The following RBM20 variants were observed in gnomAD, a reference collection of about 807,000 sequenced individuals.
The protein encoded by RBM20 is RNA binding motif protein 20, also known as RNA-binding protein 20.
A neutral mutation model predicts 110.1 loss-of-function variants in RBM20; 51 were observed. That is an observed-to-expected ratio of 0.46 (90% CI 0.37 to 0.59). The LOEUF is 0.59. Ranked by LOEUF, RBM20 falls within the 20% of genes least tolerant of loss-of-function variation. The pLI, the probability that RBM20 is intolerant of heterozygous loss-of-function variation, is 0.00. For missense variants in RBM20, 1,512 were observed against 1,574.9 expected (o/e 0.96, Z 0.68); for synonymous variants, 589 against 618.2 (o/e 0.95, Z 0.70).
chr10:110,676,697 A>G (rs1293268908), intron 1 of RBM20, among the ~76,000 whole-genome samples: 1 of 152,168 alleles, frequency 6.6e-6, no homozygotes, highest in African/African-American at 2.4e-5. Context: ...TACTTTTCTG[A>G]TTTGCAGTCT....
chr10:110,681,463 T>G (rs2134859870), intron 1 of RBM20, among the ~76,000 whole-genome samples: 1 of 152,350 alleles, frequency 6.6e-6, no homozygotes, highest in Admixed American at 6.5e-5. Context: ...GCATGCTCTC[T>G]GCTAATCTTT....
At chr10:110,742,342 A>T (rs1466136496) in intron 1 of RBM20, among the ~76,000 whole-genome samples, 9 of 152,188 alleles carry the variant, frequency 5.9e-5, no homozygotes, top group Non-Finnish European at 8.8e-5. Flanking sequence ...CCCAGGCTGG[A>T]GGCCTTTTCC....
chr10:110,678,098 A>G (rs1046933075), intron 1 of RBM20, among the ~76,000 whole-genome samples: 3 of 152,220 alleles, frequency 2.0e-5, no homozygotes, highest in African/African-American at 4.8e-5. Context: ...GGTAACTATA[A>G]AACATAAACT....
At chr10:110,810,848 T>C (rs1844759062) in intron 8 of RBM20, among the ~76,000 whole-genome samples, 2 of 150,322 alleles carry the variant, frequency 1.3e-5, no homozygotes, top group Admixed American at 1.3e-4. Flanking sequence ...TGTGTGTGCG[T>C]GTGTGTGTGT....
chr10:110,676,373 ATAAAGT>A (rs1441750431), intron 1 of RBM20, among the ~76,000 whole-genome samples: 4 of 152,234 alleles, frequency 2.6e-5, no homozygotes, highest in African/African-American at 9.6e-5. Context: ...TTTATTGCCT[ATAAAGT>A]TAAACAATGC....
In RBM20 at chr10:110,812,455, A is replaced by G. The variant is rs1844781882; in HGVS notation, c.2058A>G (p.Glu686=). 1 of 1,551,684 alleles carries G rather than the reference A, an allele frequency of 6.4e-7. No individual in the cohort carries two copies. The highest frequency in any genetic ancestry group is 2.4e-5 in the East Asian group (1 of 40,912). The part of the protein sequence containing the change: ...WEHSPYARRE[E]ERDPAPWRDN... Reference sequence around the variant, plus strand: ...ACTCTCCCTATGCCAGGAGGGAGGAAGAGCGAGACCCGGCTCCCTGGAGGG... The same window carrying G: ...ACTCTCCCTATGCCAGGAGGGAGGAGGAGCGAGACCCGGCTCCCTGGAGGG... The change falls in exon 9 of 14, where the codon GAA becomes GAG. Residue 686 remains glutamate (E), a synonymous_variant. Coordinates refer to ENST00000369519, the MANE Select transcript of RBM20 (RefSeq NM_001134363.3).
intron 1 of RBM20, among the ~76,000 whole-genome samples, chr10:110,749,533 G>A (rs1843826854): frequency 6.6e-6 from 1 of 152,146 alleles, no homozygotes; most frequent in African/African-American, 2.4e-5. Context: ...GTGTAAAAGT[G>A]TCTCATTGAA....
chr10:110,822,892 G>A (rs542605317), intron 11 of RBM20, among the ~76,000 whole-genome samples: 32 of 152,196 alleles, frequency 2.1e-4, no homozygotes, highest in African/African-American at 7.2e-4. Flanking sequence ...TAGAGAAACC[G>A]TGAGGCCCAG....
intron 1 of RBM20, among the ~76,000 whole-genome samples, chr10:110,752,500 T>C (rs908051919): frequency 2.0e-5 from 3 of 152,266 alleles, no homozygotes; most frequent in Non-Finnish European, 2.9e-5. Context: ...AAAGCTGCTA[T>C]AAACATCTGT....
At chr10:110,651,253 A>G (rs530879081) in intron 1 of RBM20, among the ~76,000 whole-genome samples, 43 of 152,356 alleles carry the variant, frequency 2.8e-4, no homozygotes, top group African/African-American at 1.0e-3. Flanking sequence ...CCATGGACAC[A>G]GGTACATATT....
chr10:110,660,434 C>T lies in RBM20; in HGVS notation c.191+15789C>T, dbSNP rs142312680. Among the ~76,000 whole-genome samples, 73 of 152,256 alleles carry T rather than the reference C, an allele frequency of 4.8e-4. 1 individual carries two copies. The highest frequency in any genetic ancestry group is 4.6e-3 in the East Asian group (24 of 5,172). On this transcript the variant is annotated intron_variant, in intron 1 of 13. Transcript: ENST00000369519. ...GGATCCCCAACCCCCAGGCCATGGA[C>T]GGGTACCAGGCTGTGGCCTGTTAGG... is the stretch of plus-strand genomic sequence containing the variant.
chr10:110,702,860 A>G (rs898369485), intron 1 of RBM20, among the ~76,000 whole-genome samples: 3 of 152,210 alleles, frequency 2.0e-5, no homozygotes, highest in African/African-American at 7.2e-5. Context: ...CATACCACAT[A>G]TGATTGTTAG....
chr10:110,755,835 TA>T (rs139075339), intron 1 of RBM20, among the ~76,000 whole-genome samples: 10 of 152,070 alleles, frequency 6.6e-5, no homozygotes, highest in Non-Finnish European at 1.5e-4. Flanking sequence ...ATCCTTGCCT[TA>T]AAAAAAATGA....
At chr10:110,674,464 A>G (rs1205626451) in intron 1 of RBM20, among the ~76,000 whole-genome samples, 1 of 152,214 alleles carries the variant, frequency 6.6e-6, no homozygotes. Context: ...CCCAATTCCA[A>G]GCCCATTTCC....
At chr10:110,671,128 G>A (rs1862251842) in intron 1 of RBM20, among the ~76,000 whole-genome samples, 1 of 152,188 alleles carries the variant, frequency 6.6e-6, no homozygotes, top group South Asian at 2.1e-4. Context: ...GAAGCCTCCA[G>A]TGGATCATCT....
intron 1 of RBM20, among the ~76,000 whole-genome samples, chr10:110,761,680 C>T (rs1277370177): frequency 6.6e-6 from 1 of 152,210 alleles, no homozygotes; most frequent in East Asian, 1.9e-4. Flanking sequence ...CAGTTGCCTC[C>T]TCCTTACATT....
chr10:110,835,853 C>T lies in RBM20; in HGVS notation c.3574-15C>T, dbSNP rs898223638. 8 of 1,550,492 alleles carry T rather than the reference C, an allele frequency of 5.2e-6. No homozygotes were observed. The African/African-American group carries it at 8.2e-5, about 16-fold the overall frequency. On this transcript the variant is annotated splice_polypyrimidine_tract_variant and intron_variant, in intron 13 of 13. Coordinates refer to ENST00000369519, the MANE Select transcript of RBM20 (RefSeq NM_001134363.3). ...TAACATGCCCCTTCCTCCACTTCCC[C>T]TCTTCTTTCCACAGAAATATTTGTC...
intron 2 of RBM20, among the ~76,000 whole-genome samples, chr10:110,782,761 C>T (rs965178803): frequency 6.6e-6 from 1 of 151,152 alleles, no homozygotes; most frequent in Non-Finnish European, 1.5e-5. Context: ...CATCTCTCAT[C>T]CTGTCCAAAA....
chr10:110,656,154 T>C (rs188245993), intron 1 of RBM20, among the ~76,000 whole-genome samples: 11 of 152,068 alleles, frequency 7.2e-5, no homozygotes, highest in African/African-American at 2.7e-4. Flanking sequence ...TACAAAAAAT[T>C]TGCCGGGCGT....
Sources: gnomAD v4.1 joint callset for allele counts (sites outside exome capture counted in the v4.1 genomes callset) on GRCh38, gnomAD v4.1.1 for gene constraint, MANE v1.5 for transcripts, NCBI Gene and HGNC (gene_info 2026-07-23, HGNC 2026-07-21) for gene names.